ADAMTSL1: variants seen among roughly 807,000 people sequenced by gnomAD.
ADAMTSL1 encodes ADAMTS-like protein 1.
A neutral mutation model predicts 201.8 loss-of-function variants in ADAMTSL1; 126 were observed. That is an observed-to-expected ratio of 0.62 (90% CI 0.54 to 0.72). The LOEUF (loss-of-function observed/expected upper bound fraction) is 0.72, where lower values mean the gene tolerates loss of function less well. Among genes scored for constraint, ADAMTSL1 ranks in the 30% least tolerant of loss-of-function variants. The pLI is 0.00. For synonymous variants in ADAMTSL1, 1,121 were observed against 903.4 expected (o/e 1.24, Z -4.32); for missense variants, 2,679 against 2,277.8 (o/e 1.18, Z -3.59).
chr9:18,770,785 T>C lies in ADAMTSL1; in HGVS notation c.2397+4T>C, dbSNP rs1820647485. The C allele has an allele frequency of 6.2e-7, 1 of 1,612,872 alleles. No homozygotes were observed. Among genetic ancestry groups the C allele is most frequent in the African/African-American group, 1.3e-5 (1 of 74,876 alleles). Reference sequence around the variant, plus strand: ...GCTTCTCTCAGACTGGACAGAGGTATGTATGTTCCTCCGAAGAGAATGAAA... The same window carrying C: ...GCTTCTCTCAGACTGGACAGAGGTACGTATGTTCCTCCGAAGAGAATGAAA... On this transcript the variant is annotated splice_donor_region_variant and intron_variant, in intron 17 of 28. Coordinates refer to ENST00000380548, the MANE Select transcript of ADAMTSL1 (RefSeq NM_001040272.6).
At chr9:18,884,162 T>C (rs1246857883) in intron 23 of ADAMTSL1, among the ~76,000 whole-genome samples, 1 of 152,238 alleles carries the variant, frequency 6.6e-6, no homozygotes, top group Non-Finnish European at 1.5e-5. Context: ...ATTTTCCTAA[T>C]GATTAATTGA....
intron 13 of ADAMTSL1, among the ~76,000 whole-genome samples, chr9:18,688,689 A>AAAAATATATATATATATATATATATAT (rs1554730404): frequency 1.2e-4 from 1 of 8,648 alleles, no homozygotes; most frequent in Non-Finnish European, 2.2e-4. Context: ...AAAAAAAAAA[A>AAAAATATATATATATATATATATATAT]ATATATATAT....
intron 1 of ADAMTSL1, among the ~76,000 whole-genome samples, chr9:18,086,288 G>A (rs533671742): frequency 1.3e-5 from 2 of 152,252 alleles, no homozygotes; most frequent in South Asian, 4.1e-4. Context: ...AATAGAGGAG[G>A]AAGCCTTCAA....
At chr9:17,983,877 A>G (rs950467484) in intron 1 of ADAMTSL1, among the ~76,000 whole-genome samples, 2 of 152,152 alleles carry the variant, frequency 1.3e-5, no homozygotes, top group Admixed American at 1.3e-4. Flanking sequence ...GGGATGTTTA[A>G]TTATCTTATT....
chr9:18,562,536 T>C (rs907009383), intron 3 of ADAMTSL1, among the ~76,000 whole-genome samples: 2 of 152,208 alleles, frequency 1.3e-5, no homozygotes, highest in Non-Finnish European at 2.9e-5. Flanking sequence ...TGATGTTTCC[T>C]GTATTTCCTG....
At chr9:17,921,080 T>C (rs1826280103) in intron 1 of ADAMTSL1, among the ~76,000 whole-genome samples, 1 of 152,232 alleles carries the variant, frequency 6.6e-6, no homozygotes, top group African/African-American at 2.4e-5. Context: ...TTTATGTGTT[T>C]GCTTTTTGTA....
intron 9 of ADAMTSL1, among the ~76,000 whole-genome samples, chr9:18,662,654 G>A (rs936333087): frequency 7.2e-5 from 11 of 152,168 alleles, no homozygotes; most frequent in African/African-American, 2.7e-4. Context: ...GAAAGTAGAA[G>A]CTTTAAACAG....
intron 1 of ADAMTSL1, among the ~76,000 whole-genome samples, chr9:17,996,686 C>T (rs2131515872): frequency 6.6e-6 from 1 of 152,012 alleles, no homozygotes; most frequent in East Asian, 1.9e-4. Context: ...TATTCCTTTC[C>T]CTCCCTCAGT....
intron 1 of ADAMTSL1, among the ~76,000 whole-genome samples, chr9:18,091,072 T>C (rs1287158521): frequency 7.9e-6 from 1 of 126,478 alleles, no homozygotes; most frequent in Non-Finnish European, 1.7e-5. Context: ...TATATGCATG[T>C]GTGTGTGTGT....
At chr9:18,292,403 A>G (rs957952166) in intron 2 of ADAMTSL1, among the ~76,000 whole-genome samples, 1 of 152,164 alleles carries the variant, frequency 6.6e-6, no homozygotes, top group Non-Finnish European at 1.5e-5. Context: ...GCAAATTCTC[A>G]GTGTTAGGGC....
intron 13 of ADAMTSL1, among the ~76,000 whole-genome samples, chr9:18,695,647 A>G (rs1831506581): frequency 6.6e-6 from 1 of 152,204 alleles, no homozygotes; most frequent in South Asian, 2.1e-4. Context: ...CATTGTCCAT[A>G]TCACTAGCAT....
chr9:18,442,578 TA>T (rs1820038292), intron 2 of ADAMTSL1, among the ~76,000 whole-genome samples: 1 of 152,242 alleles, frequency 6.6e-6, no homozygotes, highest in Non-Finnish European at 1.5e-5. Context: ...TTTAGTTGTA[TA>T]TTTCTTTAAT....
chr9:18,026,175 T>G (rs1820687036), intron 1 of ADAMTSL1, among the ~76,000 whole-genome samples: 1 of 152,038 alleles, frequency 6.6e-6, no homozygotes, highest in African/African-American at 2.4e-5. Flanking sequence ...TACTTCTTCT[T>G]TTTCTATTCG....
intron 1 of ADAMTSL1, among the ~76,000 whole-genome samples, chr9:18,065,616 CTA>C (rs962570147): frequency 6.6e-6 from 1 of 152,118 alleles, no homozygotes; most frequent in Non-Finnish European, 1.5e-5. Flanking sequence ...TAAATTCTAG[CTA>C]TGTTTTGTTG....
intron 23 of ADAMTSL1, among the ~76,000 whole-genome samples, chr9:18,839,853 A>G (rs1048215597): frequency 3.3e-5 from 5 of 150,338 alleles, no homozygotes; most frequent in Non-Finnish European, 7.4e-5. Context: ...GTGTCTGTTC[A>G]TGTCCTTCGC....
chr9:18,853,918 T>TGTGTGTGTGTGTGTGTGCGC (rs139332733), intron 23 of ADAMTSL1, among the ~76,000 whole-genome samples: 6 of 145,382 alleles, frequency 4.1e-5, no homozygotes, highest in South Asian at 2.2e-4. Context: ...TGTGTGTGTG[T>TGTGTGTGTGTGTGTGTGCGC]GCGCGTGCAT....
intron 23 of ADAMTSL1, among the ~76,000 whole-genome samples, chr9:18,836,105 T>A (rs1427672063): frequency 6.6e-6 from 1 of 152,202 alleles, no homozygotes; most frequent in African/African-American, 2.4e-5. Flanking sequence ...GCGGCTAAAC[T>A]AATTTACAGT....
intron 2 of ADAMTSL1, among the ~76,000 whole-genome samples, chr9:18,355,391 G>A (rs1434535425): frequency 6.6e-6 from 1 of 152,104 alleles, no homozygotes; most frequent in Non-Finnish European, 1.5e-5. Flanking sequence ...TATTTTAGGA[G>A]TATCAGCAGA....
chr9:18,156,781 T>C (rs1229222924), intron 1 of ADAMTSL1, among the ~76,000 whole-genome samples: 1 of 152,050 alleles, frequency 6.6e-6, no homozygotes, highest in East Asian at 1.9e-4. Context: ...GTTCTTTCAT[T>C]GTCTAAGTGT....
Sources: gnomAD v4.1 joint callset for allele counts (sites outside exome capture counted in the v4.1 genomes callset) on GRCh38, gnomAD v4.1.1 for gene constraint, MANE v1.5 for transcripts, NCBI Gene and HGNC (gene_info 2026-07-23, HGNC 2026-07-21) for gene names.